The following MBD5 variants were observed in gnomAD, a reference collection of about 807,000 sequenced individuals.
MBD5 encodes the protein methyl-CpG-binding domain protein 5.
Under a neutral mutation model 117.3 loss-of-function variants are expected in MBD5, and 13 were observed. That is an observed-to-expected ratio of 0.11 (90% CI 0.07 to 0.18). The LOEUF is 0.18. Among genes scored for constraint, MBD5 ranks in the 10% least tolerant of loss-of-function variants. The probability of loss-of-function intolerance (pLI) is 1.00; values close to 1 mark genes in which losing one functional copy is unlikely to be tolerated. For synonymous variants in MBD5, 727 were observed against 766.4 expected (o/e 0.95, Z 0.85); for missense variants, 1,879 against 2,093.8 (o/e 0.90, Z 2.00).
At chr2:148,468,284 C>T in intron 7 of MBD5, 57 bp from the exon 8 acceptor site, 1 of 1,456,522 alleles carries the variant, frequency 6.9e-7, no homozygotes, top group South Asian at 1.2e-5. Context: ...TTCCCTCCCT[C>T]CCACCACAAA....
intron 1 of MBD5, among the ~76,000 whole-genome samples, chr2:148,153,186 CCTT>C (rs1158797357): frequency 1.3e-5 from 2 of 150,866 alleles, no homozygotes; most frequent in Admixed American, 1.3e-4. Context: ...TTTTATTTCT[CCTT>C]CACTTATGAA....
intron 3 of MBD5, among the ~76,000 whole-genome samples, chr2:148,300,060 A>AT (rs796281757): frequency 2.2e-3 from 329 of 147,862 alleles, no homozygotes; most frequent in African/African-American, 6.5e-3. Flanking sequence ...ACATTTGGGG[A>AT]TTTTTTTTTT....
intron 1 of MBD5, among the ~76,000 whole-genome samples, chr2:148,162,444 A>G (rs1045972873): frequency 1.3e-5 from 2 of 152,224 alleles, no homozygotes; most frequent in African/African-American, 2.4e-5. Context: ...ATGTTAATTT[A>G]TTTTACACTG....
At chr2:148,232,919 G>A (rs781352938) in intron 2 of MBD5, among the ~76,000 whole-genome samples, 28 of 152,000 alleles carry the variant, frequency 1.8e-4, no homozygotes, top group Non-Finnish European at 3.4e-4. Flanking sequence ...AAGAGCCCCA[G>A]CTAGAGGAAA....
chr2:148,470,492 G>T, intron 8 of MBD5, 31 bp downstream of exon 8: 2 of 1,530,462 alleles, frequency 1.3e-6, no homozygotes, highest in Non-Finnish European at 1.8e-6. Context: ...AGTACCCAAA[G>T]GTACTAAACT....
intron 4 of MBD5, among the ~76,000 whole-genome samples, chr2:148,394,192 C>G (rs10208051): frequency 0.37 from 56,336 of 151,890 alleles, 11,500 homozygotes; most frequent in East Asian, 0.65. Flanking sequence ...ATGTTGGAAT[C>G]AAGATTATAA....
chr2:148,188,726 A>G (rs1698737709), intron 2 of MBD5, among the ~76,000 whole-genome samples: 1 of 152,024 alleles, frequency 6.6e-6, no homozygotes, highest in Non-Finnish European at 1.5e-5. Context: ...AAAGAAGACA[A>G]CATTAAAAAT....
intron 2 of MBD5, among the ~76,000 whole-genome samples, chr2:148,227,879 A>G (rs370431596): frequency 1.4e-4 from 21 of 152,218 alleles, no homozygotes; most frequent in Admixed American, 5.9e-4. Context: ...TGAAGCAATT[A>G]TGAATGGGAG....
In MBD5 at chr2:148,285,559, G is replaced by A. The variant is rs1001213340; in HGVS notation, c.-680+52164G>A. ...TAGATTTACAAATCTCTTGCTTATG[G>A]GCCAGATTCAGCCAACAGGCTTGTA... On this transcript the variant is annotated intron_variant, in intron 3 of 13. Transcript: ENST00000642680. Among the ~76,000 whole-genome samples, 4 of 151,766 alleles carry A rather than the reference G, an allele frequency of 2.6e-5. No individual in the cohort carries two copies. In the South Asian group the frequency reaches 8.3e-4, roughly 32 times the overall value.
intron 3 of MBD5, among the ~76,000 whole-genome samples, chr2:148,258,065 A>G (rs1418462307): frequency 6.6e-6 from 1 of 152,128 alleles, no homozygotes; most frequent in Admixed American, 6.5e-5. Context: ...TTTTTGTCTC[A>G]GTTATCTCTG....
intron 2 of MBD5, among the ~76,000 whole-genome samples, chr2:148,200,610 G>T (rs556393988): frequency 6.6e-6 from 1 of 151,570 alleles, no homozygotes; most frequent in East Asian, 2.0e-4. Flanking sequence ...GGAGAATGGC[G>T]TGAGCCTAGG....
At chr2:148,293,964 A>G (rs1701566504) in intron 3 of MBD5, among the ~76,000 whole-genome samples, 1 of 152,208 alleles carries the variant, frequency 6.6e-6, no homozygotes, top group Admixed American at 6.5e-5. Flanking sequence ...CGATCAATTA[A>G]GGAAAGAAGG....
At chr2:148,280,131 C>CAAAAAAAAAAAAAAAAAAAAAACAAAA (rs3076398) in intron 3 of MBD5, among the ~76,000 whole-genome samples, 1 of 91,886 alleles carries the variant, frequency 1.1e-5, no homozygotes, top group Admixed American at 1.3e-4. Context: ...AAACTAACTG[C>CAAAAAAAAAAAAAAAAAAAAAACAAAA]AAAAAAAAAA....
chr2:148,265,993 A>C (rs139804777), intron 3 of MBD5, among the ~76,000 whole-genome samples: 8 of 152,206 alleles, frequency 5.3e-5, no homozygotes, highest in African/African-American at 1.7e-4. Context: ...TCAAATGGCG[A>C]CTTAGATTGG....
At chr2:148,324,784 G>A (rs930925163) in intron 3 of MBD5, among the ~76,000 whole-genome samples, 3 of 151,978 alleles carry the variant, frequency 2.0e-5, no homozygotes, top group Non-Finnish European at 2.9e-5. Context: ...CTGCAAACAG[G>A]GACAATTTGA....
chr2:148,095,305 TG>T (rs1225819302), intron 1 of MBD5, among the ~76,000 whole-genome samples: 4 of 152,184 alleles, frequency 2.6e-5, no homozygotes, highest in African/African-American at 9.6e-5. Flanking sequence ...TCCCTTATTC[TG>T]TTGCTTAATA....
In MBD5 at chr2:148,412,381, T is replaced by C. The variant is rs375266146; in HGVS notation, c.-556-45822T>C. ...GACAGAGAGAGAGAGTGAGAGAGAG[T>C]TGGATAATGTGATGTTTCCACCTTT... On this transcript the variant is annotated intron_variant, in intron 4 of 13. Coordinates refer to ENST00000642680, the MANE Select transcript of MBD5 (RefSeq NM_001378120.1). Among the ~76,000 whole-genome samples, 7 of 149,390 alleles carry C rather than the reference T, an allele frequency of 4.7e-5. No individual in the cohort carries two copies. In the South Asian group the frequency reaches 1.5e-3, roughly 32 times the overall value.
intron 1 of MBD5, among the ~76,000 whole-genome samples, chr2:148,039,964 T>G (rs532500571): frequency 7.2e-4 from 110 of 152,266 alleles, no homozygotes; most frequent in Non-Finnish European, 1.4e-3. Flanking sequence ...TCTAGTTTGA[T>G]TCAAAGCACC....
At chr2:148,283,926 A>G (rs1701309556) in intron 3 of MBD5, among the ~76,000 whole-genome samples, 1 of 152,214 alleles carries the variant, frequency 6.6e-6, no homozygotes, top group South Asian at 2.1e-4. Flanking sequence ...TACACTGAGT[A>G]TCCTGCTTTT....
Sources: allele counts gnomAD v4.1 joint callset (sites outside exome capture counted in the v4.1 genomes callset), GRCh38; gene constraint gnomAD v4.1.1; transcripts MANE v1.5; gene names NCBI Gene and HGNC (gene_info 2026-07-23, HGNC 2026-07-21).